SYCP1: variants seen among roughly 807,000 people sequenced by gnomAD.
SYCP1 encodes synaptonemal complex protein 1.
In SYCP1, 64 loss-of-function variants were observed where a neutral mutation model predicts 153.1. The ratio of observed to expected loss-of-function variants is 0.42; its 90% confidence interval spans 0.34 to 0.51. The LOEUF (loss-of-function observed/expected upper bound fraction) is 0.51, where lower values mean the gene tolerates loss of function less well. Among genes scored for constraint, SYCP1 ranks in the 20% least tolerant of loss-of-function variants. SYCP1 has a pLI of 0.06. For missense variants in SYCP1, 997 were observed against 1,049.0 expected, an observed-to-expected ratio of 0.95 and a Z score of 0.68; for synonymous variants, 384 against 341.8, an observed-to-expected ratio of 1.12 and a Z score of -1.36.
chr1:114,941,167 C>T (rs1670361016), intron 23 of SYCP1, among the ~76,000 whole-genome samples: 1 of 151,932 alleles, frequency 6.6e-6, no homozygotes, highest in African/African-American at 2.4e-5. Flanking sequence ...AGTTTCATAT[C>T]CTGTGGATAC....
chr1:114,857,297 T>C (rs1423217322), intron 4 of SYCP1, 22 bp downstream of exon 4: 1 of 1,596,782 alleles, frequency 6.3e-7, no homozygotes, highest in Non-Finnish European at 8.5e-7. Context: ...ATAGTACATG[T>C]AGATATAATC....
Position 114,968,683 on chromosome 1 carries a change from C to T in SYCP1, c.2323-8874C>T, listed in dbSNP as rs538245688. On this transcript the variant is annotated intron_variant, in intron 27 of 31. Coordinates refer to ENST00000369522, the MANE Select transcript of SYCP1 (RefSeq NM_003176.4). ...CTTCTGAAGCCTACTTCTGTCAATT[C>T]ATCAAACTCAGTCTCCATCCAGTTT... 1.1e-3 allele frequency among the ~76,000 whole-genome samples: 168 copies of T among 152,302 alleles called. 1 individual carries two copies. The highest frequency in any genetic ancestry group is 3.4e-3 in the Middle Eastern group (1 of 294).
intron 16 of SYCP1, among the ~76,000 whole-genome samples, chr1:114,907,651 C>T (rs1018279395): frequency 1.1e-4 from 16 of 150,824 alleles, no homozygotes; most frequent in Non-Finnish European, 1.8e-4. Context: ...GCATGATCTC[C>T]GCTCACTGCA....
At chr1:114,955,096 G>A (rs537770991) in intron 27 of SYCP1, among the ~76,000 whole-genome samples, 2 of 152,230 alleles carry the variant, frequency 1.3e-5, no homozygotes, top group South Asian at 4.1e-4. Context: ...TTTAATTAGA[G>A]TTTTTAAAAA....
In SYCP1 at chr1:114,926,548, T is replaced by C; in HGVS notation, c.1911T>C (p.Asn637=). The C allele has an allele frequency of 6.3e-7, 1 of 1,598,550 alleles. No homozygotes were observed. Among genetic ancestry groups the C allele is most frequent in the Non-Finnish European group, 8.5e-7 (1 of 1,172,542 alleles). The part of the protein sequence containing the change: ...KKGTAESKQL[N]VYEIKVNKLE... The stretch of plus-strand genomic sequence containing the variant: ...GTACAGCAGAAAGCAAGCAACTGAA[T>C]GTTTATGAGATAAAGGTATTTGGCA... Residue 637 remains asparagine (N), a synonymous_variant, in exon 23 of 32, where the codon AAT becomes AAC. Transcript: ENST00000369522.
chr1:114,940,142 G>C lies in SYCP1; in HGVS notation c.1927-4197G>C, dbSNP rs113516559. On this transcript the variant is annotated intron_variant, in intron 23 of 31. Coordinates refer to ENST00000369522, the MANE Select transcript of SYCP1 (RefSeq NM_003176.4). ...GATGGAGTCTGCCTCTGTCACCCACGCTGGAGTGCAGTGGCTGTGATCTCG... is the reference window on the plus strand; with the variant it reads ...GATGGAGTCTGCCTCTGTCACCCACCCTGGAGTGCAGTGGCTGTGATCTCG... 3.7e-3 allele frequency among the ~76,000 whole-genome samples: 566 copies of C among 152,162 alleles called. 5 individuals carry two copies. Among genetic ancestry groups the C allele is most frequent in the African/African-American group, 0.013 (537 of 41,518 alleles).
chr1:114,922,021 T>C (rs557235637), intron 20 of SYCP1, among the ~76,000 whole-genome samples: 4 of 152,258 alleles, frequency 2.6e-5, no homozygotes, highest in African/African-American at 9.6e-5. Flanking sequence ...TACTATATGT[T>C]ATTTATTTCT....
chr1:114,971,495 C>A (rs764425582), intron 27 of SYCP1, among the ~76,000 whole-genome samples: 1 of 152,134 alleles, frequency 6.6e-6, no homozygotes, highest in Non-Finnish European at 1.5e-5. Flanking sequence ...ATATCCAGAC[C>A]TCCAGTGTGT....
Position 114,860,822 on chromosome 1 carries a change from C to A in SYCP1, c.598+13C>A, listed in dbSNP as rs753980175. ...AAGACAAAGAAATGTAAATATCTTT[C>A]TTGTTTTATGTGATTTTATCAATTT... is the stretch of plus-strand genomic sequence containing the variant. On this transcript the variant is annotated intron_variant, in intron 8 of 31. Transcript: ENST00000369522. The A allele has an allele frequency of 1.9e-6, 3 of 1,545,036 alleles. No homozygotes were observed. The South Asian group carries it at 3.6e-5, about 19-fold the overall frequency.
At position 114,981,418 on chromosome 1, in the gene SYCP1, G is replaced by A. The variant is rs765636850; in HGVS notation, c.2465G>A (p.Arg822Gln). Reference protein sequence around the residue: ...SKAVPSQTVSRNFTSVDHGIS... With the variant: ...SKAVPSQTVSQNFTSVDHGIS... ...GCAGTTCCTTCACAAACTGTATCTC[G>A]AAATTTCACATCAGTTGATCATGGC... The change falls in exon 29 of 32, where the codon CGA (arginine) becomes CAA (glutamine). Residue 822 changes from arginine (R) to glutamine (Q), a missense_variant. Arg to Gln is a conservative substitution (Grantham distance 43). Coordinates refer to ENST00000369522, the MANE Select transcript of SYCP1 (RefSeq NM_003176.4). The A allele has an allele frequency of 2.5e-5, 41 of 1,609,232 alleles. No individual in the cohort carries two copies. Among genetic ancestry groups the A allele is most frequent in the South Asian group, 3.3e-5 (3 of 89,912 alleles).
chr1:114,872,765 A>G (rs910467148), intron 8 of SYCP1, among the ~76,000 whole-genome samples: 9 of 151,946 alleles, frequency 5.9e-5, no homozygotes, highest in Admixed American at 5.2e-4. Context: ...AATATCTTCA[A>G]CTTCAAAGAT....
intron 1 of SYCP1, 183 bp from the exon 2 acceptor site, chr1:114,855,258 G>T (rs1663855274): frequency 2.9e-6 from 1 of 347,296 alleles, no homozygotes; most frequent in African/African-American, 2.1e-5. Context: ...GGAAACGAGG[G>T]TTTATTCCGT....
intron 8 of SYCP1, among the ~76,000 whole-genome samples, chr1:114,861,080 A>C (rs1478943833): frequency 6.6e-6 from 1 of 152,180 alleles, no homozygotes; most frequent in Non-Finnish European, 1.5e-5. Flanking sequence ...TTTTGAGACT[A>C]ACCTCTGTCT....
At chr1:114,978,938 T>C (rs1431756290) in intron 28 of SYCP1, among the ~76,000 whole-genome samples, 2 of 151,748 alleles carry the variant, frequency 1.3e-5, no homozygotes, top group Non-Finnish European at 3.0e-5. Flanking sequence ...ATTTAGAATG[T>C]CTTCATATTA....
chr1:114,861,404 TG>T (rs1190106778), intron 8 of SYCP1, among the ~76,000 whole-genome samples: 47 of 152,224 alleles, frequency 3.1e-4, no homozygotes, highest in Non-Finnish European at 4.9e-4. Context: ...TCTTTATTTT[TG>T]CCATAATTTG....
intron 30 of SYCP1, 28 bp downstream of exon 30, chr1:114,984,896 A>G: frequency 9.2e-7 from 1 of 1,088,602 alleles, no homozygotes; most frequent in Non-Finnish European, 1.2e-6. Context: ...AATATTTAGT[A>G]TTTATTTATA....
At position 114,902,523 on chromosome 1, in the gene SYCP1, C is replaced by G. The variant is rs1284505958; in HGVS notation, c.1320+7014C>G. On this transcript the variant is annotated intron_variant, in intron 16 of 31. Transcript: ENST00000369522. ...GGCTTTCTGCATCACAGATTGAATCCCTGGTTACCACATAAGAGCAGGAGG... is the reference window on the plus strand; with the variant it reads ...GGCTTTCTGCATCACAGATTGAATCGCTGGTTACCACATAAGAGCAGGAGG... 2.1e-5 allele frequency among the ~76,000 whole-genome samples: 3 copies of G among 142,982 alleles called. 1 individual carries two copies. Among genetic ancestry groups the G allele is most frequent in the African/African-American group, 9.1e-5 (3 of 32,870 alleles). 93.8% of individuals were successfully genotyped at this position (142,982 alleles called of 152,430 possible).
intron 29 of SYCP1, among the ~76,000 whole-genome samples, chr1:114,983,511 G>A (rs375965066): frequency 1.3e-5 from 2 of 151,954 alleles, no homozygotes; most frequent in South Asian, 4.2e-4. Flanking sequence ...AGACTCACCA[G>A]ACAAATCAAA....
chr1:114,898,680 A>G (rs1667221911), intron 16 of SYCP1, among the ~76,000 whole-genome samples: 1 of 152,216 alleles, frequency 6.6e-6, no homozygotes, highest in Admixed American at 6.5e-5. Context: ...AAAAAAACAA[A>G]TCATGATAGG....
Sources: allele counts gnomAD v4.1 joint callset (sites outside exome capture counted in the v4.1 genomes callset), GRCh38; gene constraint gnomAD v4.1.1; transcripts MANE v1.5; gene names NCBI Gene and HGNC (gene_info 2026-07-23, HGNC 2026-07-21).